ABCD4: variants seen among roughly 807,000 people sequenced by gnomAD.
ABCD4 encodes ATP binding cassette subfamily D member 4, also known as lysosomal cobalamin transporter ABCD4.
In ABCD4, 53 loss-of-function variants were observed where a neutral mutation model predicts 86.3. That is an observed-to-expected ratio of 0.61 (90% CI 0.49 to 0.77). ABCD4 has a LOEUF of 0.77. ABCD4 is among the 30% of genes least tolerant of loss of function. The pLI is 0.00. For synonymous variants in ABCD4, 328 were observed against 313.6 expected, an observed-to-expected ratio of 1.05 and a Z score of -0.49; for missense variants, 757 against 764.5, an observed-to-expected ratio of 0.99 and a Z score of 0.12.
chr14:74,296,043 C>T (rs1375381911), intron 5 of ABCD4, 64 bp from the exon 6 acceptor site: 2 of 1,538,746 alleles, frequency 1.3e-6, no homozygotes, highest in Non-Finnish European at 1.7e-6. Flanking sequence ...CCACATGCCT[C>T]AGCCCTGACT....
rs1409073395 is a variant in ABCD4, at chr14:74,300,154, T to C, written c.153A>G (p.Leu51=). ...AGTCTGGGCTCACTCACTCACCCAG[T>C]AGGGTCAGGCACAAAAGGGTCAGGA... is the stretch of plus-strand genomic sequence containing the variant. ...LMFLTLLCLT[L]LEQFVIYQVG... The change falls in exon 2 of 19, where the codon CTA becomes CTG. Residue 51 remains leucine (L), a synonymous_variant. Transcript: ENST00000356924. 1 of 1,603,560 alleles carries C rather than the reference T, an allele frequency of 6.2e-7. No individual in the cohort carries two copies. Among genetic ancestry groups the C allele is most frequent in the South Asian group, 1.1e-5 (1 of 90,798 alleles).
chr14:74,293,515 A>G (rs1223813316), intron 7 of ABCD4: 2 of 359,746 alleles, frequency 5.6e-6, no homozygotes, highest in African/African-American at 4.2e-5. Flanking sequence ...CAGGCAGGCT[A>G]CTTAAGCCTC....
At chr14:74,302,819 T>C (rs759197005) in intron 1 of ABCD4, 56 bp downstream of exon 1, 2 of 1,561,598 alleles carry the variant, frequency 1.3e-6, no homozygotes, top group African/African-American at 1.4e-5. Context: ...GGAAAGCCCA[T>C]TCCCTACAGC....
At chr14:74,296,181 G>A in intron 5 of ABCD4, 152 bp downstream of exon 5, 2 of 1,088,394 alleles carry the variant, frequency 1.8e-6, no homozygotes, top group Non-Finnish European at 2.7e-6. Context: ...AGGGCCAAAG[G>A]AAGGGCAGGG....
At chr14:74,293,284 A>G in intron 7 of ABCD4, 36 bp from the exon 8 acceptor site, 1 of 1,607,464 alleles carries the variant, frequency 6.2e-7, no homozygotes, top group Non-Finnish European at 8.5e-7. Flanking sequence ...ACAGGGCTGG[A>G]GAGGTTCAGC....
chr14:74,296,669 AGT>A lies in ABCD4; in HGVS notation c.426-222_426-221del, dbSNP rs2082956163. On this transcript the variant is annotated intron_variant, in intron 4 of 18. Transcript: ENST00000356924. ...AGAGAGTTGCATCTTACGGTGCCTT[AGT>A]TAATCCCCTGAAAAAGTGGGAACTG... 1.7e-5 allele frequency: 9 copies of A among 517,118 alleles called. No individual in the cohort carries two copies. In the East Asian group the frequency reaches 3.0e-4, roughly 17 times the overall value. The allele number at this position is 517,118 out of a possible 1,614,324, so 32.0% of individuals were successfully genotyped here.
intron 14 of ABCD4, chr14:74,289,042 G>C (rs1227189347): frequency 1.0e-6 from 1 of 997,370 alleles, no homozygotes; most frequent in Non-Finnish European, 1.3e-6. Flanking sequence ...AACCCGGGAG[G>C]TGGAGGTTGC....
Position 74,293,213 on chromosome 14 carries a change from C to T in ABCD4, c.755G>A (p.Arg252Lys). 1 of 1,614,196 alleles carries T rather than the reference C, an allele frequency of 6.2e-7. No homozygotes were observed. Among genetic ancestry groups the T allele is most frequent in the East Asian group, 2.2e-5 (1 of 44,886 alleles). Residue 252 changes from arginine to lysine, a missense_variant, in exon 8 of 19, where the codon AGG (arginine) becomes AAG (lysine). Physicochemically the swap from Arg to Lys is conservative, Grantham distance 26. Coordinates refer to ENST00000356924, the MANE Select transcript of ABCD4 (RefSeq NM_005050.4). ...GHVEHMRTDR[R>K]LQRLLQTQRE... ...CTGGGTCTGAAGGAGTCTCTGCAGC[C>T]TGCGGTCTGTCCTCATGTGCTCCAC...
At position 74,290,052 on chromosome 14, in the gene ABCD4, A is replaced by C. The variant is rs1362988578; in HGVS notation, c.1394T>G (p.Phe465Cys). Residue 465 changes from phenylalanine to cysteine, a missense_variant, in exon 13 of 19, where the codon TTC (phenylalanine) becomes TGC (cysteine). Coordinates refer to ENST00000356924, the MANE Select transcript of ABCD4 (RefSeq NM_005050.4). ...CTGCTCCCGAAGGGTCCCGTCAGTGAAGAATGGCTTTTGTGGCAGGAATAG... is the reference window on the plus strand; with the variant it reads ...CTGCTCCCGAAGGGTCCCGTCAGTGCAGAATGGCTTTTGTGGCAGGAATAG... ...GVLFLPQKPF[F>C]TDGTLREQVI... 1.4e-5 allele frequency: 23 copies of C among 1,614,030 alleles called. No homozygotes were observed. Among genetic ancestry groups the C allele is most frequent in the Non-Finnish European group, 1.9e-5 (23 of 1,180,026 alleles).
At chr14:74,288,022 CA>C (rs1315795064) in intron 16 of ABCD4, 136 bp from the exon 17 acceptor site, 2 of 1,053,068 alleles carry the variant, frequency 1.9e-6, no homozygotes, top group African/African-American at 3.2e-5. Context: ...CCCTTTCGAC[CA>C]TAGGCCTACA....
chr14:74,288,800 A>G (rs2080569107), intron 14 of ABCD4, 35 bp from the exon 15 acceptor site: 7 of 1,608,914 alleles, frequency 4.4e-6, no homozygotes, highest in Non-Finnish European at 5.1e-6. Context: ...AAAAAGCCAG[A>G]GCCTCCTGGC....
rs776137988 is a variant in ABCD4 at position 74,286,737 on chromosome 14, C to T, written c.1716G>A (p.Thr572=). ...LYRIGQQLGM[T]FISVGHRQSL... ...TCTGCCGATGTCCCACACTGATGAA[C>T]GTCATCCCCAGCTGCTGGCCGATGC... The change falls in exon 18 of 19, where the codon ACG becomes ACA. Residue 572 remains threonine, a synonymous_variant. Coordinates refer to ENST00000356924, the MANE Select transcript of ABCD4 (RefSeq NM_005050.4). The T allele has an allele frequency of 4.6e-5, 75 of 1,614,052 alleles. No homozygotes were observed. The highest frequency in any genetic ancestry group is 5.8e-5 in the Non-Finnish European group (68 of 1,180,060).
intron 3 of ABCD4, among the ~76,000 whole-genome samples, chr14:74,298,638 G>C (rs1330196138): frequency 6.6e-6 from 1 of 152,240 alleles, no homozygotes; most frequent in Non-Finnish European, 1.5e-5. Flanking sequence ...TATTTTGAGA[G>C]TAGATGAGCT....
At chr14:74,288,670 T>C (rs369359552) in intron 15 of ABCD4, 46 bp downstream of exon 15, 4 of 1,603,212 alleles carry the variant, frequency 2.5e-6, no homozygotes, top group Non-Finnish European at 3.4e-6. Flanking sequence ...CTGTAGCTGG[T>C]GCTCCCAGGT....
chr14:74,288,657 T>C (rs762095272), intron 15 of ABCD4, 59 bp downstream of exon 15: 1 of 1,576,540 alleles, frequency 6.3e-7, no homozygotes, highest in East Asian at 2.3e-5. Flanking sequence ...AGCACCTGCC[T>C]ACCTGTAGCT....
In ABCD4 at chr14:74,298,154, C is replaced by A. The variant is rs1004472957; in HGVS notation, c.286-85G>T. 8 of 1,544,478 alleles carry A rather than the reference C, an allele frequency of 5.2e-6. No individual in the cohort carries two copies. The Admixed American group carries it at 1.9e-4, about 36-fold the overall frequency. On this transcript the variant is annotated intron_variant, in intron 3 of 18. Transcript: ENST00000356924. ...AGCTCAAGGCTCGCAAGAGCCTCCGCTGACCCATCCCAGCCCACTCTGACT... is the reference window on the plus strand; with the variant it reads ...AGCTCAAGGCTCGCAAGAGCCTCCGATGACCCATCCCAGCCCACTCTGACT...
At chr14:74,295,279 C>T (rs1396207554) in intron 6 of ABCD4, 81 bp from the exon 7 acceptor site, 19 of 1,546,402 alleles carry the variant, frequency 1.2e-5, no homozygotes, top group East Asian at 6.8e-5. Context: ...TCACAAAGAC[C>T]GCCCAAGCGG....
intron 14 of ABCD4, chr14:74,289,031 G>C: frequency 1.0e-6 from 1 of 979,720 alleles, no homozygotes; most frequent in Middle Eastern, 3.9e-4. Context: ...GGAATTGCTT[G>C]AACCCGGGAG....
chr14:74,297,186 C>T (rs911219691), intron 4 of ABCD4: 10 of 152,328 alleles, frequency 6.6e-5, no homozygotes, highest in African/African-American at 2.2e-4. Flanking sequence ...GCTTCCTCAT[C>T]TGTAAAATAA....
Sources: allele counts gnomAD v4.1 joint callset (sites outside exome capture counted in the v4.1 genomes callset), GRCh38; gene constraint gnomAD v4.1.1; transcripts MANE v1.5; gene names NCBI Gene and HGNC (gene_info 2026-07-23, HGNC 2026-07-21).